Variants in MKLN1 observed in about 807,000 individuals in gnomAD.
MKLN1 encodes the protein muskelin 1.
MKLN1 carries 18 observed loss-of-function variants against 99.0 expected under a neutral mutation model. The observed-to-expected ratio is 0.18, with a 90% confidence interval of 0.13 to 0.27. The LOEUF (loss-of-function observed/expected upper bound fraction) is 0.27. MKLN1 is among the 10% of genes least tolerant of loss of function. The pLI, the probability that MKLN1 is intolerant of heterozygous loss-of-function variation, is 1.00. For missense variants in MKLN1, 621 were observed against 875.9 expected (o/e 0.71, Z 3.67); for synonymous variants, 288 against 293.2 (o/e 0.98, Z 0.18).
chr7:131,272,778 A>G (rs150960450), intron 3 of MKLN1, among the ~76,000 whole-genome samples: 2,477 of 152,236 alleles, frequency 0.016, 74 homozygotes, highest in African/African-American at 0.057. Context: ...AACCCATCAG[A>G]TCTTGTGAGA....
intron 3 of MKLN1, among the ~76,000 whole-genome samples, chr7:131,284,835 A>G (rs563503589): frequency 7.9e-5 from 12 of 152,280 alleles, no homozygotes; most frequent in Admixed American, 7.8e-4. Flanking sequence ...GGAATCTGAG[A>G]AGCAAGTGAG....
intron 2 of MKLN1, among the ~76,000 whole-genome samples, chr7:131,182,608 A>G (rs1695271860): frequency 6.6e-6 from 1 of 151,868 alleles, no homozygotes; most frequent in Non-Finnish European, 1.5e-5. Context: ...CTGTTACTAT[A>G]GAGAGATTGT....
At chr7:131,238,054 C>T (rs1452280140) in intron 3 of MKLN1, among the ~76,000 whole-genome samples, 3 of 151,872 alleles carry the variant, frequency 2.0e-5, no homozygotes, top group African/African-American at 4.8e-5. Context: ...GGCTGAGGCA[C>T]GAGAATCACT....
intron 1 of MKLN1, among the ~76,000 whole-genome samples, chr7:131,337,089 C>T (rs1418362015): frequency 6.6e-6 from 1 of 152,176 alleles, no homozygotes; most frequent in African/African-American, 2.4e-5. Context: ...AGCCGTCAGA[C>T]TTACTGTTGC....
In MKLN1 at chr7:131,188,773, A is replaced by G. The variant is rs978795410; in HGVS notation, c.-296-14084A>G. On this transcript the variant is annotated intron_variant, in intron 2 of 7. Coordinates refer to the MKLN1 transcript ENST00000416992. ...GAATTGAGGCCATGTTTGAAATCAC[A>G]AACAATCAATCATCATCTAAAACAG... Among the ~76,000 whole-genome samples the G allele has an allele frequency of 1.4e-4, 21 of 152,164 alleles. 1 individual carries two copies. The highest frequency in any genetic ancestry group is 3.3e-4 in the Admixed American group (5 of 15,288).
chr7:131,227,586 G>A (rs1273697799), intron 3 of MKLN1, among the ~76,000 whole-genome samples: 8 of 129,480 alleles, frequency 6.2e-5, no homozygotes, highest in Admixed American at 1.8e-4. Context: ...TTTTTTTTGA[G>A]ACAGAATCTC....
intron 1 of MKLN1, among the ~76,000 whole-genome samples, chr7:131,358,555 G>A (rs181030334): frequency 2.8e-4 from 43 of 152,224 alleles, no homozygotes; most frequent in African/African-American, 9.4e-4. Flanking sequence ...GAAAGCATTA[G>A]GAAGTGTTTC....
intron 3 of MKLN1, among the ~76,000 whole-genome samples, chr7:131,211,395 C>T (rs1438205958): frequency 6.6e-6 from 1 of 152,184 alleles, no homozygotes; most frequent in African/African-American, 2.4e-5. Flanking sequence ...TATTGATTGT[C>T]TATGTGTACA....
intron 3 of MKLN1, among the ~76,000 whole-genome samples, chr7:131,322,434 A>C (rs569642401): frequency 1.1e-4 from 16 of 152,254 alleles, no homozygotes; most frequent in Non-Finnish European, 1.9e-4. Flanking sequence ...TAATTGACTC[A>C]CAGTTCTACA....
chr7:131,227,501 C>CTTTCTTTCCTTT (rs2116466814), intron 3 of MKLN1, among the ~76,000 whole-genome samples: 1 of 128,216 alleles, frequency 7.8e-6, no homozygotes, highest in Admixed American at 8.3e-5. Context: ...CTTTCTCTTT[C>CTTTCTTTCCTTT]TTTCTTTCTT....
At chr7:131,229,858 A>C (rs1431779742) in intron 3 of MKLN1, among the ~76,000 whole-genome samples, 2 of 152,134 alleles carry the variant, frequency 1.3e-5, no homozygotes, top group African/African-American at 4.8e-5. Flanking sequence ...TTAGGCGGTG[A>C]ATCTCTCTTA....
intron 2 of MKLN1, among the ~76,000 whole-genome samples, chr7:131,176,221 C>G (rs2116346691): frequency 6.6e-6 from 1 of 152,184 alleles, no homozygotes; most frequent in South Asian, 2.1e-4. Flanking sequence ...GTATTCTTAA[C>G]AGATTCACAT....
At chr7:131,378,851 C>T (rs1468861952) in intron 2 of MKLN1, among the ~76,000 whole-genome samples, 5 of 150,224 alleles carry the variant, frequency 3.3e-5, no homozygotes, top group African/African-American at 7.4e-5. Flanking sequence ...AATACACGCA[C>T]GTGTGCACAC....
intron 2 of MKLN1, among the ~76,000 whole-genome samples, chr7:131,201,676 A>T (rs551319735): frequency 2.0e-5 from 3 of 152,336 alleles, no homozygotes; most frequent in Middle Eastern, 3.4e-3. Context: ...CAAATTTCAC[A>T]TAATGCTATT....
At chr7:131,117,324 G>T (rs550044162) in intron 1 of MKLN1, among the ~76,000 whole-genome samples, 1 of 151,952 alleles carries the variant, frequency 6.6e-6, no homozygotes, top group African/African-American at 2.4e-5. Flanking sequence ...CAGCTACTCG[G>T]GAGGCTGAGG....
intron 3 of MKLN1, among the ~76,000 whole-genome samples, chr7:131,317,075 C>T (rs193173493): frequency 4.4e-3 from 670 of 152,180 alleles, no homozygotes; most frequent in Non-Finnish European, 7.2e-3. Context: ...GCAAGACAGA[C>T]CAACATTCAA....
intron 1 of MKLN1, among the ~76,000 whole-genome samples, chr7:131,133,831 T>TTTTTTTTTTTTTTTTTTA (rs1795604697): frequency 8.3e-6 from 1 of 119,844 alleles, no homozygotes; most frequent in Non-Finnish European, 1.7e-5. Flanking sequence ...TTTTTTTTTT[T>TTTTTTTTTTTTTTTTTTA]TTTTTTTTTT....
At chr7:131,361,595 CT>C (rs200588778) in intron 1 of MKLN1, among the ~76,000 whole-genome samples, 371 of 140,682 alleles carry the variant, frequency 2.6e-3, no homozygotes, top group Middle Eastern at 7.3e-3. Context: ...TTCTGGCTTT[CT>C]TTTTTTTTTT....
intron 3 of MKLN1, among the ~76,000 whole-genome samples, chr7:131,206,562 A>ATTATTATTATTG (rs1334432323): frequency 5.4e-5 from 8 of 149,312 alleles, no homozygotes; most frequent in Non-Finnish European, 7.4e-5. Context: ...TGTTATTATT[A>ATTATTATTATTG]TTATTATTTT....
Sources: allele counts gnomAD v4.1 joint callset (sites outside exome capture counted in the v4.1 genomes callset), GRCh38; gene constraint gnomAD v4.1.1; transcripts MANE v1.5; gene names NCBI Gene and HGNC (gene_info 2026-07-23, HGNC 2026-07-21).